Variants in CEMIP observed in about 807,000 individuals in gnomAD.
CEMIP encodes cell migration inducing hyaluronidase 1.
A neutral mutation model predicts 156.9 loss-of-function variants in CEMIP; 105 were observed. The observed-to-expected ratio is 0.67, with a 90% CI of 0.57 to 0.79. CEMIP has a LOEUF of 0.79. CEMIP is among the 30% of genes least tolerant of loss of function. CEMIP has a pLI of 0.00. For synonymous variants in CEMIP, 676 were observed against 668.4 expected, an observed-to-expected ratio of 1.01 and a Z score of -0.17; for missense variants, 1,457 against 1,769.4, an observed-to-expected ratio of 0.82 and a Z score of 3.17.
intron 29 of CEMIP, 146 bp from the exon 30 acceptor site, chr15:80,948,651 A>T: frequency 9.3e-7 from 1 of 1,070,336 alleles, no homozygotes; most frequent in Non-Finnish European, 1.4e-6. Context: ...AGCTGAGCAC[A>T]GAGCTCTTCC....
chr15:80,877,797 A>T (rs1281470205), intron 3 of CEMIP, among the ~76,000 whole-genome samples: 1 of 152,240 alleles, frequency 6.6e-6, no homozygotes, highest in Non-Finnish European at 1.5e-5. Flanking sequence ...TCAACTAAAC[A>T]TTCACACTGG....
chr15:80,936,572 G>A (rs1901128029), intron 23 of CEMIP, 102 bp from the exon 24 acceptor site: 9 of 1,007,454 alleles, frequency 8.9e-6, no homozygotes, highest in Non-Finnish European at 1.4e-5. Flanking sequence ...TAAAGAGAAA[G>A]TGCCTTTGAA....
In CEMIP at chr15:80,914,258, A is replaced by G. The variant is rs144175441; in HGVS notation, c.1797+4952A>G. On this transcript the variant is annotated intron_variant, in intron 14 of 29. Transcript: ENST00000394685. The stretch of plus-strand genomic sequence containing the variant: ...GGTCCAGTACTTTTGTGGAAGGACA[A>G]AATGACTTCAATATGGGTTCTGCTT... Among the ~76,000 whole-genome samples, 19 of 152,358 alleles carry G rather than the reference A, an allele frequency of 1.2e-4. No homozygotes were observed. The East Asian group carries it at 3.7e-3, about 29-fold the overall frequency.
chr15:80,873,977 AG>A lies in CEMIP; in HGVS notation c.94+5del. 1 of 1,565,286 alleles carries A rather than the reference AG, an allele frequency of 6.4e-7. No individual in the cohort carries two copies. Among genetic ancestry groups the A allele is most frequent in the Non-Finnish European group, 8.7e-7 (1 of 1,152,920 alleles). ...TTCCCTGGGGCCACATCCACAGGTG[AG>A]CACTGCAAACAGATGGACCTCTGTA... On this transcript the variant is annotated splice_donor_5th_base_variant and intron_variant, in intron 3 of 29. Coordinates refer to ENST00000394685, the MANE Select transcript of CEMIP (RefSeq NM_001293298.2).
chr15:80,937,929 G>A lies in CEMIP; in HGVS notation c.3357G>A (p.Val1119=). 2 of 1,614,200 alleles carry A rather than the reference G, an allele frequency of 1.2e-6. No homozygotes were observed. The highest frequency in any genetic ancestry group is 8.5e-7 in the Non-Finnish European group (1 of 1,180,026). Residue 1119 remains valine (V), a synonymous_variant, in exon 25 of 30, where the codon GTG becomes GTA. Coordinates refer to ENST00000394685, the MANE Select transcript of CEMIP (RefSeq NM_001293298.2). ...VFVRTLQMDK[V]EQSYPGRSHY... The stretch of plus-strand genomic sequence containing the variant: ...TGAGGACCTTGCAGATGGACAAAGT[G>A]GAGCAGAGCTACCCTGGCAGGAGCC...
At chr15:80,858,017 A>C (rs112299170) in intron 1 of CEMIP, among the ~76,000 whole-genome samples, 86 of 152,314 alleles carry the variant, frequency 5.6e-4, no homozygotes, top group African/African-American at 1.9e-3. Flanking sequence ...AGAGAGGCCC[A>C]TGTTGCATGG....
chr15:80,850,405 T>C (rs1217128659), intron 1 of CEMIP, among the ~76,000 whole-genome samples: 7 of 152,308 alleles, frequency 4.6e-5, no homozygotes, highest in Admixed American at 2.0e-4. Flanking sequence ...GCCTCCCAAG[T>C]AGCCGGGATT....
intron 1 of CEMIP, among the ~76,000 whole-genome samples, chr15:80,823,324 G>T (rs1450379058): frequency 6.6e-6 from 1 of 152,194 alleles, no homozygotes; most frequent in Non-Finnish European, 1.5e-5. Context: ...GTCCCCAGAG[G>T]GTTGGCCAGG....
chr15:80,909,068 T>C (rs755265721), intron 13 of CEMIP, 29 bp from the exon 14 acceptor site: 7 of 1,607,486 alleles, frequency 4.4e-6, no homozygotes, highest in African/African-American at 1.3e-5. Context: ...TCTCATGGGC[T>C]CCTCTGACTC....
intron 1 of CEMIP, among the ~76,000 whole-genome samples, chr15:80,852,352 C>T (rs1339135185): frequency 6.6e-6 from 1 of 151,970 alleles, no homozygotes; most frequent in Non-Finnish European, 1.5e-5. Context: ...ACATCAGAAT[C>T]AGAACCTTTT....
intron 1 of CEMIP, among the ~76,000 whole-genome samples, chr15:80,855,193 AT>A (rs1271594072): frequency 6.6e-6 from 1 of 152,208 alleles, no homozygotes; most frequent in Admixed American, 6.5e-5. Context: ...ATCTCAAAAA[AT>A]AAATAAATAA....
At chr15:80,872,238 T>C (rs1322410110) in intron 1 of CEMIP, among the ~76,000 whole-genome samples, 1 of 152,196 alleles carries the variant, frequency 6.6e-6, no homozygotes, top group East Asian at 1.9e-4. Context: ...TGGGAGAGTA[T>C]CTGTTTGTTC....
chr15:80,857,649 GACC>G (rs1897886182), intron 1 of CEMIP, among the ~76,000 whole-genome samples: 1 of 152,228 alleles, frequency 6.6e-6, no homozygotes, highest in Non-Finnish European at 1.5e-5. Flanking sequence ...CCTGGGGCAA[GACC>G]TCTGGTTTCT....
intron 4 of CEMIP, 45 bp from the exon 5 acceptor site, chr15:80,879,671 C>T (rs768883469): frequency 4.3e-6 from 7 of 1,613,504 alleles, no homozygotes; most frequent in Middle Eastern, 1.7e-4. Context: ...TAACCTTACC[C>T]TTAACACTGT....
chr15:80,802,667 T>C (rs1896408914), intron 1 of CEMIP, among the ~76,000 whole-genome samples: 1 of 152,212 alleles, frequency 6.6e-6, no homozygotes. Flanking sequence ...GAAATAAATC[T>C]ATTGGTTGGA....
At chr15:80,824,665 C>G (rs1048218859) in intron 1 of CEMIP, among the ~76,000 whole-genome samples, 1 of 152,224 alleles carries the variant, frequency 6.6e-6, no homozygotes, top group African/African-American at 2.4e-5. Flanking sequence ...CATCAGCAGC[C>G]TGGCCCAACA....
At position 80,873,935 on chromosome 15, in the gene CEMIP, G is replaced by A; in HGVS notation, c.56G>A (p.Trp19Ter). 1 of 1,576,024 alleles carries A rather than the reference G, an allele frequency of 6.3e-7. No homozygotes were observed. Among genetic ancestry groups the A allele is most frequent in the South Asian group, 1.2e-5 (1 of 85,870 alleles). ...FLFKAMLTISWLTLTCFPGAT... is the reference protein window; with the variant it reads ...FLFKAMLTIS The stretch of plus-strand genomic sequence containing the variant: ...TTCAAGGCCATGCTGACCATCAGCT[G>A]GCTCACTCTGACCTGCTTCCCTGGG... The change falls in exon 3 of 30, where the codon TGG (tryptophan) becomes TAG (stop). Residue 19 changes from tryptophan (W) to a stop codon, truncating the protein, a stop_gained. Coordinates refer to ENST00000394685, the MANE Select transcript of CEMIP (RefSeq NM_001293298.2). LOFTEE classifies it high-confidence loss of function.
chr15:80,834,591 C>T (rs970766427), intron 1 of CEMIP, among the ~76,000 whole-genome samples: 1 of 152,210 alleles, frequency 6.6e-6, no homozygotes, highest in African/African-American at 2.4e-5. Context: ...TGTCTATAAT[C>T]CGTGTGGCTG....
chr15:80,796,048 A>G (rs1896215322), intron 1 of CEMIP, among the ~76,000 whole-genome samples: 1 of 152,262 alleles, frequency 6.6e-6, no homozygotes, highest in African/African-American at 2.4e-5. Flanking sequence ...ATTTTCATAA[A>G]GAGGTGGCTT....
Sources: gnomAD v4.1 joint callset for allele counts (sites outside exome capture counted in the v4.1 genomes callset) on GRCh38, gnomAD v4.1.1 for gene constraint, MANE v1.5 for transcripts, NCBI Gene and HGNC (gene_info 2026-07-23, HGNC 2026-07-21) for gene names.